The following USP25 variants were observed in gnomAD, a reference collection of about 807,000 sequenced individuals.
The protein encoded by USP25 is ubiquitin specific peptidase 25, also known as ubiquitin carboxyl-terminal hydrolase 25.
A neutral mutation model predicts 158.5 loss-of-function variants in USP25; 85 were observed. The observed-to-expected ratio is 0.54, with a 90% CI of 0.45 to 0.64. USP25 has a LOEUF of 0.64. USP25 is among the 30% of genes least tolerant of loss of function. The pLI is 0.00. For synonymous variants in USP25, 464 were observed against 460.4 expected (o/e 1.01, Z -0.10); for missense variants, 1,242 against 1,327.3 (o/e 0.94, Z 1.00).
chr21:15,738,901 C>G (rs1601238454), intron 1 of USP25, among the ~76,000 whole-genome samples: 1 of 152,138 alleles, frequency 6.6e-6, no homozygotes, highest in East Asian at 1.9e-4. Context: ...TTGTTCAGAT[C>G]TAATTACCGG....
intron 24 of USP25, chr21:15,876,602 T>C: frequency 6.2e-6 from 1 of 160,706 alleles, no homozygotes; most frequent in Non-Finnish European, 1.3e-5. Flanking sequence ...AACCATCAGA[T>C]CTCATGAGAC....
At position 15,838,678 on chromosome 21, in the gene USP25, C is replaced by T. The variant is rs570739653; in HGVS notation, c.2195-3720C>T. Among the ~76,000 whole-genome samples, 35 of 152,122 alleles carry T rather than the reference C, an allele frequency of 2.3e-4. No homozygotes were observed. In the South Asian group the frequency reaches 2.5e-3, roughly 11 times the overall value. Reference sequence around the variant, plus strand: ...TGCACTGTGTATCTCTCAAGCAGTCCGCTTTAAATCTTCTTCAGTGTGAAC... The same window carrying T: ...TGCACTGTGTATCTCTCAAGCAGTCTGCTTTAAATCTTCTTCAGTGTGAAC... On this transcript the variant is annotated intron_variant, in intron 17 of 25. Coordinates refer to ENST00000400183, the MANE Select transcript of USP25 (RefSeq NM_001283041.3).
chr21:15,734,523 A>T (rs2031293052), intron 1 of USP25, among the ~76,000 whole-genome samples: 1 of 152,046 alleles, frequency 6.6e-6, no homozygotes, highest in Non-Finnish European at 1.5e-5. Context: ...TGACTTGTAG[A>T]CTCACATTGT....
At chr21:15,754,334 A>T (rs944298880) in intron 1 of USP25, among the ~76,000 whole-genome samples, 4 of 152,212 alleles carry the variant, frequency 2.6e-5, no homozygotes, top group Middle Eastern at 3.4e-3. Flanking sequence ...TGCTGTATTC[A>T]TTTATTCAGT....
At chr21:15,864,195 A>G in intron 20 of USP25, 73 bp from the exon 21 acceptor site, 1 of 1,457,870 alleles carries the variant, frequency 6.9e-7, no homozygotes, top group Non-Finnish European at 9.3e-7. Context: ...AGAAGAATTA[A>G]ACTCATAATA....
Position 15,878,513 on chromosome 21 carries a change from T to C in USP25, c.*38T>C. On this transcript the variant is annotated 3_prime_UTR_variant, in exon 26 of 26. Transcript: ENST00000400183. ...CCCTGAACACACTGTATAAACTCTT[T>C]TTAGTTCTTAACCCTTGCCTTCCTG... The C allele has an allele frequency of 6.4e-7, 1 of 1,571,040 alleles. No homozygotes were observed. Among genetic ancestry groups the C allele is most frequent in the Middle Eastern group, 1.7e-4 (1 of 5,904 alleles).
At chr21:15,787,908 C>CG (rs370415577) in intron 4 of USP25, among the ~76,000 whole-genome samples, 6 of 145,714 alleles carry the variant, frequency 4.1e-5, no homozygotes, top group African/African-American at 1.5e-4. Flanking sequence ...CCTCACCCCC[C>CG]CCCCAAGTAA....
rs986076916 is a variant in USP25 at position 15,816,174 on chromosome 21, A to C, written c.932-2524A>C. Among the ~76,000 whole-genome samples the C allele has an allele frequency of 2.0e-5, 3 of 152,308 alleles. No individual in the cohort carries two copies. Among genetic ancestry groups the C allele is most frequent in the Admixed American group, 6.5e-5 (1 of 15,292 alleles). ...GTGCTATTCTCATGATATTGAATAC[A>C]TCTCATGAGATCTAATGAGTTTATC... On this transcript the variant is annotated intron_variant, in intron 9 of 25. Coordinates refer to ENST00000400183, the MANE Select transcript of USP25 (RefSeq NM_001283041.3). The surrounding 1 kb of genome is among the most constrained non-coding windows in gnomAD (Gnocchi z 4.0).
At chr21:15,822,009 G>GT (rs2037259755) in intron 10 of USP25, among the ~76,000 whole-genome samples, 1 of 151,674 alleles carries the variant, frequency 6.6e-6, no homozygotes, top group African/African-American at 2.4e-5. Context: ...TCCTCCTGTA[G>GT]TTTCATTATC....
At chr21:15,803,062 C>T (rs1451612846) in intron 6 of USP25, among the ~76,000 whole-genome samples, 1 of 151,604 alleles carries the variant, frequency 6.6e-6, no homozygotes, top group Non-Finnish European at 1.5e-5. Context: ...TATCAAAGCT[C>T]ACTAGTGAAG....
rs139706928 is a variant in USP25 at position 15,837,434 on chromosome 21, T to A, written c.2194+3886T>A. ...GTGTGGGGATCAGAGTGAGTAGGGT[T>A]TTTTTTTCTGAGTGTGAACAGCACA... On this transcript the variant is annotated intron_variant, in intron 17 of 25. Coordinates refer to ENST00000400183, the MANE Select transcript of USP25 (RefSeq NM_001283041.3). Among the ~76,000 whole-genome samples the A allele has an allele frequency of 6.9e-3, 1,045 of 152,172 alleles. 4 individuals carry two copies. Among genetic ancestry groups the A allele is most frequent in the Non-Finnish European group, 9.9e-3 (676 of 67,998 alleles).
At chr21:15,877,533 C>T (rs1258857419) in intron 24 of USP25, 12 of 244,910 alleles carry the variant, frequency 4.9e-5, no homozygotes, top group Admixed American at 1.1e-4. Flanking sequence ...TGTTGATGAT[C>T]GGCATAAGCC....
At position 15,847,631 on chromosome 21, in the gene USP25, C is replaced by T. The variant is rs1248007675; in HGVS notation, c.2338-32C>T. 5.5e-6 allele frequency: 8 copies of T among 1,448,852 alleles called. No homozygotes were observed. The Admixed American group carries it at 7.9e-5, about 14-fold the overall frequency. 89.7% of individuals were successfully genotyped at this position (1,448,852 alleles called of 1,614,324 possible). A position where few individuals can be genotyped will look rare whatever the true frequency, so the allele number is the denominator to read the frequency against. ...CCATTGTTCTCCACTGTTCTCTTTT[C>T]TAATGTTTATATTAATGATTTCCTT... On this transcript the variant is annotated intron_variant, in intron 18 of 25. Transcript: ENST00000400183.
At chr21:15,786,360 C>T (rs375491354) in intron 4 of USP25, among the ~76,000 whole-genome samples, 13 of 152,100 alleles carry the variant, frequency 8.5e-5, no homozygotes, top group East Asian at 5.8e-4. Flanking sequence ...TATCCCTGAT[C>T]AACCTAGATG....
At chr21:15,795,181 C>T (rs1174771908) in intron 5 of USP25, among the ~76,000 whole-genome samples, 1 of 151,372 alleles carries the variant, frequency 6.6e-6, no homozygotes, top group Non-Finnish European at 1.5e-5. Flanking sequence ...TTTCAGTTCA[C>T]CTGCCTAGAA....
chr21:15,871,442 TAAAG>T lies in USP25; in HGVS notation c.2885+1299_2885+1302del, dbSNP rs376165569. Among the ~76,000 whole-genome samples, 690 of 152,284 alleles carry T rather than the reference TAAAG, an allele frequency of 4.5e-3. 1 individual carries two copies. The highest frequency in any genetic ancestry group is 6.9e-3 in the Non-Finnish European group (467 of 68,010). ...TAAAAAGGCATTTCAGTGTTACAGA[TAAAG>T]AAATCAGACTTCACAGAGATGTAGT... On this transcript the variant is annotated intron_variant, in intron 23 of 25. Coordinates refer to ENST00000400183, the MANE Select transcript of USP25 (RefSeq NM_001283041.3).
intron 3 of USP25, among the ~76,000 whole-genome samples, chr21:15,777,521 C>T (rs988819353): frequency 1.3e-5 from 2 of 152,060 alleles, no homozygotes; most frequent in Admixed American, 6.6e-5. Flanking sequence ...GAATTTAATA[C>T]GTATGTAATC....
intron 19 of USP25, among the ~76,000 whole-genome samples, chr21:15,849,226 T>A (rs1399171841): frequency 1.3e-5 from 2 of 152,008 alleles, no homozygotes; most frequent in African/African-American, 4.8e-5. Flanking sequence ...TGTGACAGAG[T>A]TGTGTGTTTT....
At chr21:15,783,912 G>T (rs984159806) in intron 4 of USP25, among the ~76,000 whole-genome samples, 1 of 152,096 alleles carries the variant, frequency 6.6e-6, no homozygotes, top group Admixed American at 6.5e-5. Flanking sequence ...GGAGCTTGCA[G>T]TGAGCCGAGA....
Sources: gnomAD v4.1 joint callset for allele counts (sites outside exome capture counted in the v4.1 genomes callset) on GRCh38, gnomAD v4.1.1 for gene constraint, Gnocchi (gnomAD v3.1) non-coding constraint, MANE v1.5 for transcripts, NCBI Gene and HGNC (gene_info 2026-07-23, HGNC 2026-07-21) for gene names.